Variants in VWCE observed in about 807,000 individuals in gnomAD.
VWCE encodes the protein von Willebrand factor C and EGF domains, also known as von Willebrand factor C and EGF domain-containing protein.
Under a neutral mutation model 102.9 loss-of-function variants are expected in VWCE, and 68 were observed. That is an observed-to-expected ratio of 0.66 (90% CI 0.54 to 0.81). VWCE has a LOEUF of 0.81. VWCE is among the 30% of genes least tolerant of loss of function. VWCE has a pLI of 0.00. For synonymous variants in VWCE, 497 were observed against 515.4 expected (o/e 0.96, Z 0.48); for missense variants, 1,137 against 1,263.6 (o/e 0.90, Z 1.52).
Position 61,259,301 on chromosome 11 carries a change from G to T in VWCE, c.2242C>A (p.Pro748Thr). 1 of 1,581,798 alleles carries T rather than the reference G, an allele frequency of 6.3e-7. No homozygotes were observed. The highest frequency in any genetic ancestry group is 2.2e-5 in the East Asian group (1 of 44,548). ...CCSSCPDSLSPLEEKQGLSPH... is the reference protein window; with the variant it reads ...CCSSCPDSLSTLEEKQGLSPH... Reference sequence around the variant, plus strand: ...GAGAGCCCCTGCTTTTCTTCCAGAGGAGACAGGGAATCTAGAGAGACGAGG... The same window carrying T: ...GAGAGCCCCTGCTTTTCTTCCAGAGTAGACAGGGAATCTAGAGAGACGAGG... Residue 748 changes from proline (P) to threonine (T), a missense_variant, in exon 20 of 20, where the codon CCT becomes ACT. Physicochemically the swap from Pro to Thr is conservative, Grantham distance 38. Around this residue, in one of 5 missense-constraint regions of VWCE, gnomAD observed 316 missense variants for 319.3 expected, o/e 0.99. Coordinates refer to ENST00000335613, the MANE Select transcript of VWCE (RefSeq NM_152718.2).
At position 61,261,871 on chromosome 11, in the gene VWCE, T is replaced by C. The variant is rs558256413; in HGVS notation, c.2231-2559A>G. ...TACTTCAATAAAAAGTTGTTTTTCC[T>C]TAAAGGGAGCTCTTGTTAATAAGAG... On this transcript the variant is annotated intron_variant, in intron 19 of 19. Transcript: ENST00000335613. Among the ~76,000 whole-genome samples the C allele has an allele frequency of 1.2e-4, 18 of 152,250 alleles. No homozygotes were observed. The East Asian group carries it at 3.1e-3, about 26-fold the overall frequency.
At position 61,267,458 on chromosome 11, in the gene VWCE, A is replaced by G. The variant is rs763365922; in HGVS notation, c.1965+4T>C. 47 of 1,613,998 alleles carry G rather than the reference A, an allele frequency of 2.9e-5. 1 individual carries two copies. ...GGCGGGAGTCAGATCTGGGTGGTCC[A>G]TACCAGGCAGATGCAGCTCAGACAT... On this transcript the variant is annotated splice_donor_region_variant and intron_variant, in intron 16 of 19. Transcript: ENST00000335613.
chr11:61,279,033 C>T (rs1480567500), intron 9 of VWCE, among the ~76,000 whole-genome samples: 2 of 151,256 alleles, frequency 1.3e-5, no homozygotes, highest in South Asian at 2.1e-4. Context: ...AGCAACACTC[C>T]GTCTTAAAAA....
intron 19 of VWCE, among the ~76,000 whole-genome samples, chr11:61,262,881 G>A (rs563156814): frequency 6.6e-6 from 1 of 152,360 alleles, no homozygotes; most frequent in South Asian, 2.1e-4. Flanking sequence ...GTTTGGGGAA[G>A]AGAGCTGCAG....
At chr11:61,278,831 G>T (rs965295248) in intron 9 of VWCE, among the ~76,000 whole-genome samples, 1 of 152,024 alleles carries the variant, frequency 6.6e-6, no homozygotes, top group African/African-American at 2.4e-5. Context: ...ACAAGGTCAG[G>T]AGTTTGAGAC....
At chr11:61,267,182 C>T (rs556948551) in intron 16 of VWCE, among the ~76,000 whole-genome samples, 4 of 152,248 alleles carry the variant, frequency 2.6e-5, no homozygotes, top group African/African-American at 4.8e-5. Flanking sequence ...CGCTTGAACT[C>T]GGGAAGCGGA....
chr11:61,286,149 C>G, intron 5 of VWCE, 165 bp downstream of exon 5: 2 of 734,730 alleles, frequency 2.7e-6, no homozygotes, highest in Non-Finnish European at 4.7e-6. Flanking sequence ...TCAGTCTCCA[C>G]ATCAGTCAGA....
At chr11:61,268,486 G>A (rs936450149) in intron 15 of VWCE, among the ~76,000 whole-genome samples, 2 of 152,174 alleles carry the variant, frequency 1.3e-5, no homozygotes, top group African/African-American at 2.4e-5. Context: ...CCCGGGAGGT[G>A]GAGGTTGCAG....
At chr11:61,264,662 C>G (rs1202076642) in intron 18 of VWCE, 85 bp from the exon 19 acceptor site, 40 of 1,378,750 alleles carry the variant, frequency 2.9e-5, no homozygotes, top group Non-Finnish European at 3.8e-5. Context: ...CTTGCACCAG[C>G]AGCAGGACCC....
At chr11:61,289,540 A>G (rs1046222744) in intron 4 of VWCE, among the ~76,000 whole-genome samples, 1 of 152,154 alleles carries the variant, frequency 6.6e-6, no homozygotes, top group African/African-American at 2.4e-5. Flanking sequence ...GTGAGCCACC[A>G]AGCCTAGCGA....
At chr11:61,293,907 C>T (rs1001218466) in intron 1 of VWCE, among the ~76,000 whole-genome samples, 1 of 152,142 alleles carries the variant, frequency 6.6e-6, no homozygotes, top group African/African-American at 2.4e-5. Context: ...CTCCTGCTGG[C>T]GGGAGCTGGC....
In VWCE at chr11:61,258,532, T is replaced by G; in HGVS notation, c.*143A>C. 1.3e-6 allele frequency: 1 copy of G among 798,522 alleles called. No homozygotes were observed. Among genetic ancestry groups the G allele is most frequent in the Middle Eastern group, 4.2e-4 (1 of 2,390 alleles). The allele number at this position is 798,522 out of a possible 1,614,324, so 49.5% of individuals were successfully genotyped here. A position where few individuals can be genotyped will look rare whatever the true frequency, so the allele number is the denominator to read the frequency against. Reference sequence around the variant, plus strand: ...TTGGGAACAAGGTTACATCCAGCCTTGGGGGTCTTCCATCCTCACCAGGGC... The same window carrying G: ...TTGGGAACAAGGTTACATCCAGCCTGGGGGGTCTTCCATCCTCACCAGGGC... On this transcript the variant is annotated 3_prime_UTR_variant, in exon 20 of 20. Transcript: ENST00000335613.
chr11:61,259,271 G>T lies in VWCE; in HGVS notation c.2272C>A (p.His758Asn). 1 of 1,604,948 alleles carries T rather than the reference G, an allele frequency of 6.2e-7. No individual in the cohort carries two copies. ...PLEEKQGLSP[H>N]GNVAFSKAGR... is the part of the protein sequence containing the mutation. ...GCTTTGCTGAATGCCACATTTCCGT[G>T]AGGGGAGAGCCCCTGCTTTTCTTCC... Residue 758 changes from histidine to asparagine, a missense_variant, in exon 20 of 20, where the codon CAC (histidine) becomes AAC (asparagine). This residue lies in a region of VWCE where 316 missense variants were observed against 319.3 expected (regional missense o/e 0.99). Coordinates refer to ENST00000335613, the MANE Select transcript of VWCE (RefSeq NM_152718.2).
chr11:61,288,884 G>A (rs958323850), intron 4 of VWCE, among the ~76,000 whole-genome samples: 3 of 150,786 alleles, frequency 2.0e-5, no homozygotes, highest in Non-Finnish European at 4.4e-5. Flanking sequence ...TGTCACTCAG[G>A]CTGGAGTGCA....
At chr11:61,289,845 A>G (rs1290269964) in intron 4 of VWCE, among the ~76,000 whole-genome samples, 2 of 152,162 alleles carry the variant, frequency 1.3e-5, no homozygotes, top group Non-Finnish European at 2.9e-5. Context: ...ACAATGAACT[A>G]TCTCTTGCTT....
rs997000566 is a variant in VWCE at position 61,258,610 on chromosome 11, C to T, written c.*65G>A. 2.3e-6 allele frequency: 3 copies of T among 1,325,048 alleles called. No homozygotes were observed. The highest frequency in any genetic ancestry group is 1.9e-6 in the Non-Finnish European group (2 of 1,031,562). 82.1% of individuals were successfully genotyped at this position (1,325,048 alleles called of 1,614,324 possible). On this transcript the variant is annotated 3_prime_UTR_variant, in exon 20 of 20. Coordinates refer to ENST00000335613, the MANE Select transcript of VWCE (RefSeq NM_152718.2). The stretch of plus-strand genomic sequence containing the variant: ...CACCAGGTTCATCCTTGGAGCTGCC[C>T]TGCACACACCCTGGGCCACTGGCAG...
chr11:61,267,045 G>A (rs1164785119), intron 16 of VWCE, among the ~76,000 whole-genome samples: 2 of 152,192 alleles, frequency 1.3e-5, no homozygotes, highest in African/African-American at 2.4e-5. Flanking sequence ...ATCACCTGAG[G>A]TCAGGAGTTC....
chr11:61,278,983 G>A (rs538628833), intron 9 of VWCE, among the ~76,000 whole-genome samples: 11 of 152,086 alleles, frequency 7.2e-5, no homozygotes, highest in Admixed American at 2.0e-4. Flanking sequence ...ACGTTGCAGT[G>A]AGCCGAGATC....
chr11:61,294,248 C>A lies in VWCE; in HGVS notation c.110+680G>T, dbSNP rs917192795. Among the ~76,000 whole-genome samples, 5 of 152,164 alleles carry A rather than the reference C, an allele frequency of 3.3e-5. No individual in the cohort carries two copies. The highest frequency in any genetic ancestry group is 1.2e-4 in the African/African-American group (5 of 41,440). On this transcript the variant is annotated intron_variant, in intron 1 of 19. Transcript: ENST00000335613. The surrounding 1 kb of genome is among the most constrained non-coding windows in gnomAD (Gnocchi z 6.3). ...CACACGTGTGAGCTACAAGCCTGGCCGGGCCGCCCCCGCTGCGCGCCCCCC... is the reference window on the plus strand; with the variant it reads ...CACACGTGTGAGCTACAAGCCTGGCAGGGCCGCCCCCGCTGCGCGCCCCCC...
Sources: allele counts gnomAD v4.1 joint callset (sites outside exome capture counted in the v4.1 genomes callset), GRCh38; gene constraint gnomAD v4.1.1; regional missense constraint gnomAD v4.1.1; non-coding constraint Gnocchi (gnomAD v3.1); transcripts MANE v1.5; gene names NCBI Gene and HGNC (gene_info 2026-07-23, HGNC 2026-07-21).